The following LSAMP variants were observed in gnomAD, a reference collection of about 807,000 sequenced individuals.
The protein encoded by LSAMP is limbic system associated membrane protein, also known as limbic system-associated membrane protein.
A neutral mutation model predicts 38.6 loss-of-function variants in LSAMP; 7 were observed. The observed-to-expected ratio is 0.18, with a 90% CI of 0.10 to 0.34. The LOEUF is 0.34. LSAMP is among the 10% of genes least tolerant of loss of function. The pLI is 1.00. For missense variants in LSAMP, 313 were observed against 420.0 expected (o/e 0.75, Z 2.23); for synonymous variants, 154 against 166.8 (o/e 0.92, Z 0.59).
chr3:116,285,043 C>A (rs891052228), intron 1 of LSAMP, among the ~76,000 whole-genome samples: 6 of 152,058 alleles, frequency 3.9e-5, no homozygotes, highest in African/African-American at 1.4e-4. Flanking sequence ...ATAACAGAAA[C>A]AACAAAGAAA....
rs1559851947 is a variant in LSAMP, at chr3:115,854,288, T to TATTA, written c.515-1672_515-1671insTAAT. Among the ~76,000 whole-genome samples the TATTA allele has an allele frequency of 2.6e-3, 332 of 126,006 alleles. 1 individual carries two copies. Among genetic ancestry groups the TATTA allele is most frequent in the South Asian group, 0.011 (41 of 3,774 alleles). 82.7% of individuals were successfully genotyped at this position (126,006 alleles called of 152,430 possible). A position where few individuals can be genotyped will look rare whatever the true frequency, so the allele number is the denominator to read the frequency against. ...TATTATTATTATTATTATTATTTTT[T>TATTA]TTTTTTTTTTTTGAGATGGAGTCCC... On this transcript the variant is annotated intron_variant, in intron 3 of 6. Transcript: ENST00000490035.
intron 1 of LSAMP, 147 bp downstream of exon 1, chr3:116,444,730 C>CA: frequency 6.4e-6 from 6 of 942,928 alleles, no homozygotes; most frequent in Non-Finnish European, 9.6e-6. Flanking sequence ...CACACACACA[C>CA]CACACACACA....
intron 1 of LSAMP, among the ~76,000 whole-genome samples, chr3:116,393,485 C>T (rs186500093): frequency 6.6e-6 from 1 of 152,186 alleles, no homozygotes; most frequent in Non-Finnish European, 1.5e-5. Flanking sequence ...CTCACATACC[C>T]CTCACTGCCC....
chr3:116,314,407 G>A (rs1398338109), intron 1 of LSAMP, among the ~76,000 whole-genome samples: 2 of 152,158 alleles, frequency 1.3e-5, no homozygotes, highest in African/African-American at 2.4e-5. Flanking sequence ...CTCATAGGCT[G>A]GTGGGAAAGA....
chr3:115,876,353 G>T (rs1936180736), intron 3 of LSAMP, among the ~76,000 whole-genome samples: 1 of 149,544 alleles, frequency 6.7e-6, no homozygotes, highest in Admixed American at 6.7e-5. Context: ...CTTGACAGAG[G>T]TTTAATTTCC....
chr3:115,888,875 CT>C (rs1431922536), intron 3 of LSAMP, among the ~76,000 whole-genome samples: 1 of 151,866 alleles, frequency 6.6e-6, no homozygotes. Flanking sequence ...CTAGTCTATT[CT>C]AAGTCTGTGG....
chr3:116,039,591 T>C (rs534693619), intron 2 of LSAMP, among the ~76,000 whole-genome samples: 13 of 152,308 alleles, frequency 8.5e-5, no homozygotes, highest in Non-Finnish European at 1.6e-4. Context: ...GAGCTGTTGC[T>C]CCTTAGAACT....
intron 1 of LSAMP, among the ~76,000 whole-genome samples, chr3:116,303,724 C>A (rs1046719172): frequency 6.6e-6 from 1 of 152,134 alleles, no homozygotes; most frequent in African/African-American, 2.4e-5. Context: ...ACTAACCCTG[C>A]GAGCGAATAA....
chr3:116,323,490 A>G (rs1559828043), intron 1 of LSAMP, among the ~76,000 whole-genome samples: 1 of 152,094 alleles, frequency 6.6e-6, no homozygotes, highest in Non-Finnish European at 1.5e-5. Flanking sequence ...ATCATTTTTA[A>G]TTGGCTGTAC....
At chr3:116,180,308 T>C (rs1050953092) in intron 1 of LSAMP, among the ~76,000 whole-genome samples, 2 of 152,022 alleles carry the variant, frequency 1.3e-5, no homozygotes, top group Admixed American at 6.6e-5. Flanking sequence ...ACACACAAAA[T>C]ACAAGATGCA....
intron 3 of LSAMP, among the ~76,000 whole-genome samples, chr3:115,901,986 G>GA (rs1217910827): frequency 4.6e-5 from 7 of 151,470 alleles, no homozygotes; most frequent in East Asian, 1.9e-4. Flanking sequence ...AACTAGATAA[G>GA]AAAAAACCCT....
At chr3:115,909,627 A>G (rs1343147830) in intron 3 of LSAMP, among the ~76,000 whole-genome samples, 1 of 152,212 alleles carries the variant, frequency 6.6e-6, no homozygotes, top group Non-Finnish European at 1.5e-5. Flanking sequence ...ATTTAAATCA[A>G]GAAATGCATC....
intron 1 of LSAMP, among the ~76,000 whole-genome samples, chr3:116,177,148 A>T (rs188597828): frequency 8.5e-4 from 130 of 152,254 alleles, no homozygotes; most frequent in African/African-American, 3.1e-3. Context: ...CCTGAGATTC[A>T]GTAAGTTCAG....
At chr3:116,035,494 T>C (rs1049645930) in intron 2 of LSAMP, among the ~76,000 whole-genome samples, 1 of 152,208 alleles carries the variant, frequency 6.6e-6, no homozygotes, top group African/African-American at 2.4e-5. Context: ...AGTGACACTT[T>C]ACATAGACGT....
chr3:115,925,855 G>T (rs1937486311), intron 3 of LSAMP, among the ~76,000 whole-genome samples: 1 of 152,114 alleles, frequency 6.6e-6, no homozygotes. Context: ...GAATATGATG[G>T]ACTGAATAAA....
chr3:115,841,742 G>A, intron 6 of LSAMP, 103 bp downstream of exon 6: 1 of 1,398,668 alleles, frequency 7.1e-7, no homozygotes, highest in Non-Finnish European at 9.7e-7. Context: ...ATCCTTATTT[G>A]TTTTTAAGTG....
intron 1 of LSAMP, among the ~76,000 whole-genome samples, chr3:116,399,881 C>A (rs2048816012): frequency 6.6e-6 from 1 of 152,134 alleles, no homozygotes. Flanking sequence ...ATTTGCAAGA[C>A]ACAGCAAGAG....
At chr3:115,946,854 C>T (rs1369999956) in intron 3 of LSAMP, among the ~76,000 whole-genome samples, 1 of 151,800 alleles carries the variant, frequency 6.6e-6, no homozygotes, top group Non-Finnish European at 1.5e-5. Flanking sequence ...ATAACAGGCC[C>T]ATTTCTTTTA....
intron 1 of LSAMP, among the ~76,000 whole-genome samples, chr3:116,184,386 C>A (rs1710561621): frequency 6.6e-6 from 1 of 151,842 alleles, no homozygotes; most frequent in African/African-American, 2.4e-5. Context: ...TATCTTTATT[C>A]TTAGTCATTA....
Sources: allele counts gnomAD v4.1 joint callset (sites outside exome capture counted in the v4.1 genomes callset), GRCh38; gene constraint gnomAD v4.1.1; transcripts MANE v1.5; gene names NCBI Gene and HGNC (gene_info 2026-07-23, HGNC 2026-07-21).